GNL3L: variants seen among roughly 807,000 people sequenced by gnomAD.
The protein encoded by GNL3L is guanine nucleotide-binding protein-like 3-like protein.
A neutral mutation model predicts 42.9 loss-of-function variants in GNL3L; 4 were observed. The ratio of observed to expected loss-of-function variants is 0.09; its 90% CI spans 0.05 to 0.21. The LOEUF (loss-of-function observed/expected upper bound fraction) is 0.21, where lower values mean the gene tolerates loss of function less well. GNL3L is among the 10% of genes least tolerant of loss of function. The pLI, the probability that GNL3L is intolerant of heterozygous loss-of-function variation, is 1.00. For synonymous variants in GNL3L, 159 were observed against 176.3 expected (o/e 0.90, Z 0.78); for missense variants, 412 against 481.7 (o/e 0.86, Z 1.36).
At chrX:54,590,767 T>G (rs780631363) in intron 16 of GNL3L, among the ~76,000 whole-genome samples, 34 of 110,814 alleles carry the variant, frequency 3.1e-4, no homozygotes, top group Non-Finnish European at 5.3e-4. Flanking sequence ...ATTTATGTAT[T>G]TATTTATTTA....
intron 16 of GNL3L, among the ~76,000 whole-genome samples, chrX:54,585,498 T>C (rs1251836532): frequency 1.8e-5 from 2 of 111,742 alleles, no homozygotes; most frequent in Non-Finnish European, 3.8e-5. Flanking sequence ...TTTATGTTTC[T>C]AGAAATGTAT....
intron 14 of GNL3L, 89 bp from the exon 15 acceptor site, chrX:54,558,347 C>A: frequency 3.1e-6 from 2 of 643,634 alleles, no homozygotes; most frequent in African/African-American, 2.1e-5. Context: ...TGTTCTTACC[C>A]AAGCCTGTGT....
chrX:54,552,287 T>G lies in GNL3L; in HGVS notation c.1182-5T>G. ...ACCACTCATCTCCCCTATCTCCCAA[T>G]GCAGCGGGAAGATCAGCTTCTATAT... On this transcript the variant is annotated splice_region_variant and splice_polypyrimidine_tract_variant and intron_variant, in intron 12 of 15. Coordinates refer to ENST00000360845, the MANE Select transcript of GNL3L (RefSeq NM_001184819.2). 8.3e-7 allele frequency: 1 copy of G among 1,207,412 alleles called. No homozygotes were observed. The highest frequency in any genetic ancestry group is 3.0e-5 in the East Asian group (1 of 33,812).
downstream of GNL3L, among the ~76,000 whole-genome samples, chrX:54,625,183 A>G (rs1926343030): frequency 9.0e-6 from 1 of 111,114 alleles, no homozygotes; most frequent in South Asian, 3.8e-4. Context: ...ACAACATTGA[A>G]CAGCAGTGGT....
At chrX:54,573,223 G>A (rs1395532012) in intron 16 of GNL3L, among the ~76,000 whole-genome samples, 1 of 112,972 alleles carries the variant, frequency 8.9e-6, no homozygotes, top group African/African-American at 3.2e-5. Flanking sequence ...GTAGCGAGCC[G>A]AGATCACGCC....
chrX:54,607,092 T>TCTTC (rs1926101126), intron 16 of GNL3L, among the ~76,000 whole-genome samples: 3 of 66,568 alleles, frequency 4.5e-5, no homozygotes, highest in African/African-American at 2.3e-4. Flanking sequence ...CTTCTTTCTT[T>TCTTC]CTTTCTTTCT....
chrX:54,546,509 A>T (rs761482230), intron 8 of GNL3L, among the ~76,000 whole-genome samples: 1 of 111,840 alleles, frequency 8.9e-6, no homozygotes, highest in South Asian at 3.7e-4. Flanking sequence ...GTACCAATTT[A>T]TACTCCCACC....
At chrX:54,594,138 T>A (rs1280848139) in intron 16 of GNL3L, among the ~76,000 whole-genome samples, 13 of 111,252 alleles carry the variant, frequency 1.2e-4, no homozygotes, top group Admixed American at 1.2e-3. Flanking sequence ...TACTGTAGAT[T>A]AAGTCTGATT....
chrX:54,637,753 A>C, the GNL3L span, among the ~76,000 whole-genome samples: 2 of 112,347 alleles, frequency 1.8e-5, no homozygotes, highest in African/African-American at 6.5e-5. Context: ...AATTATTCTT[A>C]AATTTTTAGA....
chrX:54,643,283 GAAAT>G, the GNL3L span, among the ~76,000 whole-genome samples: 1 of 110,558 alleles, frequency 9.0e-6, no homozygotes, highest in Non-Finnish European at 1.9e-5. Flanking sequence ...TTGTAATATT[GAAAT>G]AAATATTCTT....
rs1924828178 is a variant in GNL3L, at chrX:54,548,219, T to G, written c.631-10T>G. On this transcript the variant is annotated splice_polypyrimidine_tract_variant and intron_variant, in intron 8 of 15. Transcript: ENST00000360845. ...ATGTCTCTTCTGTGATATTCAATTT[T>G]TTTTTCCAGAATCGTTGCAGTGTGC... The G allele has an allele frequency of 1.7e-6, 2 of 1,201,566 alleles. No homozygotes were observed. Among genetic ancestry groups the G allele is most frequent in the South Asian group, 1.8e-5 (1 of 56,286 alleles).
intron 16 of GNL3L, among the ~76,000 whole-genome samples, chrX:54,591,592 C>CAAA (rs56034612): frequency 2.6e-4 from 16 of 62,318 alleles, no homozygotes; most frequent in African/African-American, 7.7e-4. Context: ...GACTTTGTCT[C>CAAA]AAAAAAAAAA....
At chrX:54,607,437 A>C (rs1926111858) in intron 16 of GNL3L, among the ~76,000 whole-genome samples, 1 of 107,107 alleles carries the variant, frequency 9.3e-6, no homozygotes. Context: ...TTTAAGTATT[A>C]TTTCTGACTA....
In GNL3L at chrX:54,543,005, C is replaced by T; in HGVS notation, c.357C>T (p.Ala119=). Residue 119 remains alanine, a synonymous_variant, in exon 6 of 16, where the codon GCC becomes GCT. Coordinates refer to ENST00000360845, the MANE Select transcript of GNL3L (RefSeq NM_001184819.2). ...TGTTTCCTCAGCTGGATGACGAGGC[C>T]ACGAGGAAGGCTTATTACAAGGAGT... ...LNMFPQLDDE[A]TRKAYYKEFR... is the part of the protein sequence containing the mutation. 1 of 1,190,316 alleles carries T rather than the reference C, an allele frequency of 8.4e-7. No individual in the cohort carries two copies. The highest frequency in any genetic ancestry group is 1.1e-6 in the Non-Finnish European group (1 of 876,214).
chrX:54,537,345 C>T (rs976727952), intron 2 of GNL3L, among the ~76,000 whole-genome samples: 1 of 110,596 alleles, frequency 9.0e-6, no homozygotes, highest in African/African-American at 3.3e-5. Context: ...CTTGCTGCTG[C>T]CTGTGTCTTT....
At chrX:54,622,331 C>G (rs769496802), downstream of GNL3L, among the ~76,000 whole-genome samples, 1 of 84,118 alleles carries the variant, frequency 1.2e-5, no homozygotes, top group Non-Finnish European at 2.1e-5. Flanking sequence ...GTCGCCCAGG[C>G]TGGAGGGCAC....
At chrX:54,572,689 C>A (rs1184637871) in intron 16 of GNL3L, among the ~76,000 whole-genome samples, 1 of 109,743 alleles carries the variant, frequency 9.1e-6, no homozygotes, top group Admixed American at 9.5e-5. Flanking sequence ...GGGGCTGACC[C>A]CCCCCACCTC....
Position 54,561,155 on chromosome X carries a change from A to G in GNL3L, c.*553A>G, listed in dbSNP as rs1461044217. 1.8e-5 allele frequency: 2 copies of G among 111,790 alleles called. No homozygotes were observed. The highest frequency in any genetic ancestry group is 6.5e-5 in the African/African-American group (2 of 30,634). 9.2% of individuals were successfully genotyped at this position (111,790 alleles called of 1,213,427 possible). A position where few individuals can be genotyped will look rare whatever the true frequency, so the allele number is the denominator to read the frequency against. On this transcript the variant is annotated 3_prime_UTR_variant, in exon 16 of 16. Transcript: ENST00000360845. ...TATTTAACCCCTACTCTGTTTTACA[A>G]GAGAAATAAAAGAAGTATCAGCAGA...
chrX:54,597,951 G>A (rs1925954857), intron 16 of GNL3L, among the ~76,000 whole-genome samples: 1 of 111,003 alleles, frequency 9.0e-6, no homozygotes, highest in Admixed American at 9.6e-5. Flanking sequence ...GGTGCTTCAG[G>A]ACTGTTTTTG....
Sources: allele counts gnomAD v4.1 joint callset (sites outside exome capture counted in the v4.1 genomes callset), GRCh38; gene constraint gnomAD v4.1.1; transcripts MANE v1.5; gene names NCBI Gene and HGNC (gene_info 2026-07-23, HGNC 2026-07-21).